Variants in ARID1B observed in about 807,000 individuals in gnomAD.
ARID1B encodes AT-rich interactive domain-containing protein 1B.
Under a neutral mutation model 212.3 loss-of-function variants are expected in ARID1B, and 30 were observed. That is an observed-to-expected ratio of 0.14 (90% CI 0.11 to 0.19). ARID1B has a LOEUF of 0.19. Among genes scored for constraint, ARID1B ranks in the 10% least tolerant of loss-of-function variants. The probability of loss-of-function intolerance (pLI) is 1.00; values close to 1 mark genes in which losing one functional copy is unlikely to be tolerated. For missense variants in ARID1B, 2,891 were observed against 3,204.0 expected (o/e 0.90, Z 2.36); for synonymous variants, 1,402 against 1,301.7 (o/e 1.08, Z -1.66).
intron 7 of ARID1B, among the ~76,000 whole-genome samples, chr6:157,143,084 C>T (rs943847995): frequency 6.6e-6 from 1 of 152,192 alleles, no homozygotes; most frequent in African/African-American, 2.4e-5. Context: ...TCTGCTTCCT[C>T]TCTCTGGTGC....
intron 4 of ARID1B, among the ~76,000 whole-genome samples, chr6:157,082,001 A>G (rs980683653): frequency 6.6e-6 from 1 of 151,766 alleles, no homozygotes; most frequent in African/African-American, 2.4e-5. Context: ...CCGCTTGTTT[A>G]TTGGTCATTG....
chr6:157,050,163 C>T (rs1270386172), intron 4 of ARID1B, among the ~76,000 whole-genome samples: 1 of 152,064 alleles, frequency 6.6e-6, no homozygotes, highest in Non-Finnish European at 1.5e-5. Flanking sequence ...ATGGGAGGGG[C>T]CAAAGGAGCT....
At position 157,138,391 on chromosome 6, in the gene ARID1B, C is replaced by T. The variant is rs558043209; in HGVS notation, c.2761+5184C>T. ...GCTGGGACCACAGACATGCACCCCACGCCGGGCTAATTTTTTTTGTATTTT... is the reference window on the plus strand; with the variant it reads ...GCTGGGACCACAGACATGCACCCCATGCCGGGCTAATTTTTTTTGTATTTT... On this transcript the variant is annotated intron_variant, in intron 7 of 19. Transcript: ENST00000636930. 7.9e-5 allele frequency among the ~76,000 whole-genome samples: 12 copies of T among 152,244 alleles called. No individual in the cohort carries two copies. The South Asian group carries it at 2.3e-3, about 29-fold the overall frequency.
Position 157,190,332 on chromosome 6 carries a change from C to CA in ARID1B, c.4231+123dup. 2 of 1,207,748 alleles carry CA rather than the reference C, an allele frequency of 1.7e-6. No homozygotes were observed. Among genetic ancestry groups the CA allele is most frequent in the Non-Finnish European group, 2.2e-6 (2 of 890,298 alleles). 74.8% of individuals were successfully genotyped at this position (1,207,748 alleles called of 1,614,324 possible). ...GCCCATGCTGCATCGGTGTGGGTCCCAGGTCCCCATCCTACTCCACTTGTG... is the reference window on the plus strand; with the variant it reads ...GCCCATGCTGCATCGGTGTGGGTCCCAAGGTCCCCATCCTACTCCACTTGTG... On this transcript the variant is annotated intron_variant, in intron 15 of 19. Coordinates refer to ENST00000636930, the MANE Select transcript of ARID1B (RefSeq NM_001374828.1). This position sits in a 1 kb window ranked among gnomAD's most constrained non-coding sequence, Gnocchi z 4.6.
chr6:157,207,149 A>T lies in ARID1B; in HGVS notation c.6377A>T (p.Lys2126Met). Residue 2126 changes from lysine (K) to methionine (M), a missense_variant, in exon 20 of 20, where the codon AAG (lysine) becomes ATG (methionine). By Grantham distance (95) the Lys-to-Met change is moderately conservative (BLOSUM62 -1). Around this residue, in one of 7 missense-constraint regions of ARID1B, gnomAD observed 41 missense variants for 40.4 expected, o/e 1.01. Transcript: ENST00000636930. The surrounding 1 kb of genome is among the most constrained non-coding windows in gnomAD (Gnocchi z 8.5). ...TATGAGAAAGAGGAGGATGAGGACA[A>T]GGGGGTGGCCTGCAGCAAAGATGAG... ...QTYEKEEDED[K>M]GVACSKDEWW... 6.2e-7 allele frequency: 1 copy of T among 1,614,184 alleles called. No individual in the cohort carries two copies. The highest frequency in any genetic ancestry group is 1.1e-5 in the South Asian group (1 of 91,084).
At chr6:157,142,434 C>T (rs149650609) in intron 7 of ARID1B, among the ~76,000 whole-genome samples, 81 of 152,124 alleles carry the variant, frequency 5.3e-4, no homozygotes, top group African/African-American at 1.7e-3. Flanking sequence ...GAGACTAGCC[C>T]GGGCAACATG....
intron 3 of ARID1B, among the ~76,000 whole-genome samples, chr6:156,922,003 CACTTT>C (rs1790843595): frequency 6.6e-6 from 1 of 152,090 alleles, no homozygotes; most frequent in Non-Finnish European, 1.5e-5. Flanking sequence ...ATCTTTCTGG[CACTTT>C]ACTTCACTCT....
chr6:157,053,067 A>G (rs73005136), intron 4 of ARID1B, among the ~76,000 whole-genome samples: 88 of 151,564 alleles, frequency 5.8e-4, no homozygotes, highest in Non-Finnish European at 1.1e-3. Context: ...AAATATCATG[A>G]AGAATTATTT....
chr6:156,847,719 T>G (rs921559346), intron 2 of ARID1B, among the ~76,000 whole-genome samples: 1 of 152,182 alleles, frequency 6.6e-6, no homozygotes, highest in East Asian at 1.9e-4. Context: ...GTAAACATGA[T>G]TTTTCTGGTT....
chr6:156,995,806 C>T (rs1228822797), intron 4 of ARID1B, among the ~76,000 whole-genome samples: 2 of 152,172 alleles, frequency 1.3e-5, no homozygotes, highest in African/African-American at 4.8e-5. Context: ...AAATACAGGA[C>T]GCACGGTTAA....
intron 3 of ARID1B, among the ~76,000 whole-genome samples, chr6:156,904,050 GAA>G (rs1789161355): frequency 6.6e-6 from 1 of 152,170 alleles, no homozygotes; most frequent in Admixed American, 6.5e-5. Context: ...GGGATTCCGA[GAA>G]AAGTCTCTTC....
At chr6:156,866,123 T>A (rs1033307487) in intron 2 of ARID1B, among the ~76,000 whole-genome samples, 4 of 152,200 alleles carry the variant, frequency 2.6e-5, no homozygotes, top group African/African-American at 4.8e-5. Flanking sequence ...TATTTAGACC[T>A]TTCTTATTGG....
chr6:156,835,164 C>T (rs1038788055), intron 2 of ARID1B, among the ~76,000 whole-genome samples: 1 of 148,128 alleles, frequency 6.8e-6, no homozygotes. Context: ...GGTGTGAACC[C>T]GGGAGGCGGA....
intron 2 of ARID1B, among the ~76,000 whole-genome samples, chr6:156,861,625 T>TA (rs1785339614): frequency 6.6e-6 from 1 of 151,860 alleles, no homozygotes; most frequent in Non-Finnish European, 1.5e-5. Flanking sequence ...AATAAAAAAA[T>TA]AAAAAATTAA....
chr6:156,776,728 A>C (rs1364277322), upstream of ARID1B: 2 of 152,224 alleles, frequency 1.3e-5, no homozygotes, highest in Non-Finnish European at 2.9e-5. Flanking sequence ...GTGCCTTCAA[A>C]AAGAGTTATG....
At chr6:157,026,091 A>G (rs1029515827) in intron 4 of ARID1B, among the ~76,000 whole-genome samples, 2 of 152,106 alleles carry the variant, frequency 1.3e-5, no homozygotes, top group African/African-American at 4.8e-5. Flanking sequence ...TGCCTGGCTA[A>G]TTTTTGTATT....
In ARID1B at chr6:157,206,619, C is replaced by A. The variant is rs1211737747; in HGVS notation, c.5847C>A (p.Thr1949=). ...LLHWQLGGGD[T]TEHIQTHFES... ...ACTGGCAGCTCGGCGGGGGTGACAC[C>A]ACCGAGCACATTCAGACTCACTTTG... The change falls in exon 20 of 20, where the codon ACC becomes ACA. Residue 1949 remains threonine, a synonymous_variant. Coordinates refer to ENST00000636930, the MANE Select transcript of ARID1B (RefSeq NM_001374828.1). This position sits in a 1 kb window ranked among gnomAD's most constrained non-coding sequence, Gnocchi z 6.8. The A allele has an allele frequency of 6.2e-7, 1 of 1,614,006 alleles. No homozygotes were observed. The highest frequency in any genetic ancestry group is 1.7e-5 in the Admixed American group (1 of 60,012).
intron 4 of ARID1B, among the ~76,000 whole-genome samples, chr6:157,058,355 C>T (rs1783103496): frequency 6.6e-6 from 1 of 151,740 alleles, no homozygotes; most frequent in Non-Finnish European, 1.5e-5. Flanking sequence ...GCCTCCACCT[C>T]CCGGGTTCAA....
chr6:157,196,058 CA>C, intron 15 of ARID1B, 106 bp from the exon 16 acceptor site: 62 of 1,432,860 alleles, frequency 4.3e-5, no homozygotes, highest in Admixed American at 1.1e-4. Flanking sequence ...GACTCCATCT[CA>C]AAAAAAAGAA....
Sources: allele counts gnomAD v4.1 joint callset (sites outside exome capture counted in the v4.1 genomes callset), GRCh38; gene constraint gnomAD v4.1.1; regional missense constraint gnomAD v4.1.1; non-coding constraint Gnocchi (gnomAD v3.1); transcripts MANE v1.5; gene names NCBI Gene and HGNC (gene_info 2026-07-23, HGNC 2026-07-21).